The following SOX6 variants were observed in gnomAD, a reference collection of about 807,000 sequenced individuals.
SOX6 encodes the protein SRY-box transcription factor 6, also known as transcription factor SOX-6.
SOX6 carries 11 observed loss-of-function variants against 97.8 expected under a neutral mutation model. The ratio of observed to expected loss-of-function variants is 0.11; its 90% CI spans 0.07 to 0.19. SOX6 has a LOEUF of 0.19. Ranked by LOEUF, SOX6 falls within the 10% of genes least tolerant of loss-of-function variation. SOX6 has a pLI of 1.00. For synonymous variants in SOX6, 360 were observed against 371.4 expected (o/e 0.97, Z 0.35); for missense variants, 810 against 1,039.5 (o/e 0.78, Z 3.04).
chr11:16,490,018 C>T (rs1453258040), intron 4 of SOX6, among the ~76,000 whole-genome samples: 1 of 152,044 alleles, frequency 6.6e-6, no homozygotes, highest in Non-Finnish European at 1.5e-5. Flanking sequence ...AGATTATCTA[C>T]ATAAAATATC....
At chr11:16,305,568 T>A (rs541909949) in intron 3 of SOX6, among the ~76,000 whole-genome samples, 20 of 152,234 alleles carry the variant, frequency 1.3e-4, no homozygotes, top group Non-Finnish European at 8.8e-5. Context: ...TCCAAATAAA[T>A]GAAAATTTAT....
intron 3 of SOX6, among the ~76,000 whole-genome samples, chr11:16,711,258 C>T (rs1190468566): frequency 1.3e-5 from 2 of 152,154 alleles, no homozygotes; most frequent in African/African-American, 4.8e-5. Context: ...AGGCACAGTA[C>T]AGGCTCATAC....
At chr11:16,493,056 A>G (rs1217138588) in intron 4 of SOX6, among the ~76,000 whole-genome samples, 3 of 152,206 alleles carry the variant, frequency 2.0e-5, no homozygotes, top group Admixed American at 2.0e-4. Context: ...GCTTGACATT[A>G]TCTAATATAG....
intron 4 of SOX6, among the ~76,000 whole-genome samples, chr11:16,525,584 T>G (rs1157161146): frequency 6.6e-6 from 1 of 151,484 alleles, no homozygotes. Flanking sequence ...AAGGACTTCA[T>G]GTCTAAAACA....
intron 2 of SOX6, among the ~76,000 whole-genome samples, chr11:16,326,813 TA>T (rs2134316748): frequency 6.6e-6 from 1 of 152,310 alleles, no homozygotes; most frequent in African/African-American, 2.4e-5. Flanking sequence ...TGGTTCTGTC[TA>T]AAGTCTCCCA....
At chr11:16,584,957 A>G (rs976685381) in intron 4 of SOX6, among the ~76,000 whole-genome samples, 7 of 152,176 alleles carry the variant, frequency 4.6e-5, no homozygotes, top group African/African-American at 1.7e-4. Context: ...CTGCTACATC[A>G]CAAATCTAGC....
intron 4 of SOX6, among the ~76,000 whole-genome samples, chr11:16,558,702 AGGATTGAAT>A (rs1168506549): frequency 6.6e-6 from 1 of 152,028 alleles, no homozygotes; most frequent in Non-Finnish European, 1.5e-5. Context: ...CTCTAGTCCA[AGGATTGAAT>A]GAACTAGTTG....
chr11:16,555,398 A>G (rs1462321560), intron 4 of SOX6, among the ~76,000 whole-genome samples: 1 of 151,614 alleles, frequency 6.6e-6, no homozygotes, highest in Non-Finnish European at 1.5e-5. Context: ...TGTTTCTTAA[A>G]TAAAATATAT....
chr11:16,389,358 T>G (rs903385199), intron 1 of SOX6, among the ~76,000 whole-genome samples: 1 of 152,218 alleles, frequency 6.6e-6, no homozygotes, highest in Non-Finnish European at 1.5e-5. Context: ...GAGGTGACAT[T>G]GTAGGCTTGA....
chr11:16,514,811 C>A (rs558977029), intron 4 of SOX6, among the ~76,000 whole-genome samples: 1 of 150,900 alleles, frequency 6.6e-6, no homozygotes, highest in Non-Finnish European at 1.5e-5. Flanking sequence ...GCTTTTTGTG[C>A]TTGCGATAGT....
chr11:16,201,636 C>CT (rs1314415957), intron 4 of SOX6, among the ~76,000 whole-genome samples: 1,527 of 104,458 alleles, frequency 0.015, 22 homozygotes, highest in East Asian at 0.027. Flanking sequence ...TTTTTTTTTT[C>CT]TTTTTTTTTT....
intron 4 of SOX6, among the ~76,000 whole-genome samples, chr11:16,543,725 T>C (rs1220473965): frequency 6.6e-6 from 1 of 152,056 alleles, no homozygotes; most frequent in Non-Finnish European, 1.5e-5. Flanking sequence ...AAAATATGAA[T>C]CAAAATCACA....
At chr11:16,701,069 C>G (rs957022580) in intron 3 of SOX6, among the ~76,000 whole-genome samples, 3 of 152,208 alleles carry the variant, frequency 2.0e-5, no homozygotes, top group African/African-American at 7.2e-5. Context: ...CTTAGTTACA[C>G]TTACTATTTT....
chr11:16,631,246 C>T (rs1030634953), intron 3 of SOX6, among the ~76,000 whole-genome samples: 1 of 151,230 alleles, frequency 6.6e-6, no homozygotes, highest in African/African-American at 2.4e-5. Flanking sequence ...ATGTTTAAAA[C>T]TCCCTTAAGG....
At chr11:16,147,624 TC>T (rs1359818070) in intron 6 of SOX6, among the ~76,000 whole-genome samples, 1 of 152,202 alleles carries the variant, frequency 6.6e-6, no homozygotes, top group Non-Finnish European at 1.5e-5. Flanking sequence ...TTATGTCACT[TC>T]CTTCCCCATG....
chr11:16,457,003 T>G (rs1325792749), intron 1 of SOX6, among the ~76,000 whole-genome samples: 1 of 152,066 alleles, frequency 6.6e-6, no homozygotes, highest in Admixed American at 6.6e-5. Context: ...GATGGGAAAG[T>G]GAAATAAAAA....
At chr11:16,205,759 TA>T (rs1483759164) in intron 4 of SOX6, among the ~76,000 whole-genome samples, 51 of 152,250 alleles carry the variant, frequency 3.3e-4, no homozygotes, top group Non-Finnish European at 4.4e-5. Context: ...GTACATAAAA[TA>T]TTTCATTAAC....
At chr11:16,595,603 C>CAAAAA (rs10712410) in intron 4 of SOX6, among the ~76,000 whole-genome samples, 2 of 113,872 alleles carry the variant, frequency 1.8e-5, no homozygotes, top group South Asian at 3.0e-4. Flanking sequence ...CCACCTCTAC[C>CAAAAA]AAAAAAAAAA....
chr11:16,414,166 G>A (rs927482085), intron 1 of SOX6, among the ~76,000 whole-genome samples: 1 of 152,192 alleles, frequency 6.6e-6, no homozygotes, highest in African/African-American at 2.4e-5. Flanking sequence ...CAGTGGGAGA[G>A]AAGAAGCATG....
Sources: allele counts gnomAD v4.1 joint callset (sites outside exome capture counted in the v4.1 genomes callset), GRCh38; gene constraint gnomAD v4.1.1; transcripts MANE v1.5; gene names NCBI Gene and HGNC (gene_info 2026-07-23, HGNC 2026-07-21).